The following LMO3 variants were observed in gnomAD, a reference collection of about 807,000 sequenced individuals.
LMO3 encodes LIM domain only 3.
Under a neutral mutation model 15.8 loss-of-function variants are expected in LMO3, and 2 were observed. The observed-to-expected ratio is 0.13, with a 90% confidence interval of 0.05 to 0.40. The LOEUF is 0.40. LMO3 is among the 10% of genes least tolerant of loss of function. The probability of loss-of-function intolerance (pLI) is 0.99; values close to 1 mark genes in which losing one functional copy is unlikely to be tolerated. For missense variants in LMO3, 86 were observed against 182.2 expected (o/e 0.47, Z 3.04); for synonymous variants, 62 against 63.8 (o/e 0.97, Z 0.13).
chr12:16,594,279 C>T (rs902620158), intron 2 of LMO3: 6 of 1,518,972 alleles, frequency 4.0e-6, no homozygotes, highest in Non-Finnish European at 5.3e-6. Flanking sequence ...AGAGGAAGTG[C>T]CATGTGTCAG....
chr12:16,568,288 T>C (rs1213161308), intron 2 of LMO3, among the ~76,000 whole-genome samples: 1 of 152,182 alleles, frequency 6.6e-6, no homozygotes, highest in African/African-American at 2.4e-5. Context: ...CCATTCCAGT[T>C]TGAAGGTTGT....
chr12:16,556,258 C>T (rs1163427994), intron 3 of LMO3, among the ~76,000 whole-genome samples: 1 of 151,904 alleles, frequency 6.6e-6, no homozygotes, highest in African/African-American at 2.4e-5. Flanking sequence ...AGAAATTAAC[C>T]TGTTATATAG....
At chr12:16,608,707 AGAGAGAGAGAGAAGGAGAGACAGAG>A (rs1317586585), upstream of LMO3, 1 of 151,940 alleles carries the variant, frequency 6.6e-6, no homozygotes, top group Non-Finnish European at 1.5e-5. The surrounding 1 kb of genome is among the most constrained non-coding windows in gnomAD (Gnocchi z 4.1). Context: ...CAAGGAGGAG[AGAGAGAGAGAGAAGGAGAGACAGAG>A]GAGAGAGAGA....
At chr12:16,579,412 G>A (rs955162633) in intron 2 of LMO3, among the ~76,000 whole-genome samples, 1 of 152,120 alleles carries the variant, frequency 6.6e-6, no homozygotes, top group African/African-American at 2.4e-5. Flanking sequence ...TTTTTTGGTA[G>A]GATTTACATA....
At chr12:16,553,475 G>A (rs1942070727) in intron 3 of LMO3, among the ~76,000 whole-genome samples, 1 of 152,190 alleles carries the variant, frequency 6.6e-6, no homozygotes, top group African/African-American at 2.4e-5. Context: ...AACAGAGGCA[G>A]AGCGAGAGAG....
At chr12:16,609,455 T>C (rs1944086302), upstream of LMO3, among the ~76,000 whole-genome samples, 1 of 152,310 alleles carries the variant, frequency 6.6e-6, no homozygotes, top group Non-Finnish European at 1.5e-5. Context: ...TACAGATCCT[T>C]TGGAAATCTT....
At chr12:16,558,164 T>C (rs1022952217) in intron 3 of LMO3, among the ~76,000 whole-genome samples, 5 of 152,054 alleles carry the variant, frequency 3.3e-5, no homozygotes, top group African/African-American at 1.2e-4. Flanking sequence ...GTAACTTTAA[T>C]TTGCTTAAAT....
chr12:16,588,665 C>T (rs1400486954), intron 2 of LMO3, among the ~76,000 whole-genome samples: 4 of 152,104 alleles, frequency 2.6e-5, no homozygotes, highest in African/African-American at 9.7e-5. Flanking sequence ...TTCCAATAAT[C>T]TCCAGTGTTG....
rs964664014 is a variant in LMO3, at chr12:16,582,107, A to G, written c.206+18548T>C. 2.0e-5 allele frequency among the ~76,000 whole-genome samples: 3 copies of G among 152,260 alleles called. No homozygotes were observed. The South Asian group carries it at 6.2e-4, about 32-fold the overall frequency. ...AATTACTTTAGTATTTAGCTGTTTT[A>G]TAAATTTGCAGTTAGGTTTCAGTAA... On this transcript the variant is annotated intron_variant, in intron 2 of 3. Coordinates refer to ENST00000537304, the MANE Select transcript of LMO3 (RefSeq NM_018640.5). The surrounding 1 kb of genome is among the most constrained non-coding windows in gnomAD (Gnocchi z 4.1).
In LMO3 at chr12:16,603,612, A is replaced by T. The variant is rs565262964; in HGVS notation, c.-9+2454T>A. Among the ~76,000 whole-genome samples the T allele has an allele frequency of 5.8e-4, 89 of 152,164 alleles. 1 individual carries two copies. The highest frequency in any genetic ancestry group is 1.8e-3 in the African/African-American group (73 of 41,510). On this transcript the variant is annotated intron_variant, in intron 1 of 3. Transcript: ENST00000537304. The surrounding 1 kb of genome is among the most constrained non-coding windows in gnomAD (Gnocchi z 4.9). ...TGACAGTTTAAGGGAAATCATAATT[A>T]AAAAAAAGACATAAATAATAGCCTG...
At chr12:16,605,957 CA>C (rs3832844) in intron 1 of LMO3, 108 bp downstream of exon 1, 1 of 807,762 alleles carries the variant, frequency 1.2e-6, no homozygotes, top group East Asian at 2.7e-5. Flanking sequence ...GCCTCATTAG[CA>C]GAGGTTGGGG....
chr12:16,561,836 G>A lies in LMO3; in HGVS notation c.207-1298C>T, dbSNP rs190943191. ...TATTTTTGTTGGATTGTCTCTTGAA[G>A]AGCATAAGCGCCTTGAAGGTAGAAA... On this transcript the variant is annotated intron_variant, in intron 2 of 3. Transcript: ENST00000537304. 5.1e-4 allele frequency among the ~76,000 whole-genome samples: 77 copies of A among 152,304 alleles called. No homozygotes were observed. The East Asian group carries it at 0.014, about 27-fold the overall frequency.
chr12:16,604,937 C>T lies in LMO3; in HGVS notation c.-9+1129G>A. Reference sequence around the variant, plus strand: ...GTTGCAGCAGCTTCGCATTGAGCACCAAACCCAAAGGTAGAAGTAGAAGGG... The same window carrying T: ...GTTGCAGCAGCTTCGCATTGAGCACTAAACCCAAAGGTAGAAGTAGAAGGG... On this transcript the variant is annotated intron_variant, in intron 1 of 3. Transcript: ENST00000537304. The surrounding 1 kb of genome is among the most constrained non-coding windows in gnomAD (Gnocchi z 5.3). The T allele has an allele frequency of 6.3e-7, 1 of 1,598,372 alleles. No individual in the cohort carries two copies. Among genetic ancestry groups the T allele is most frequent in the Non-Finnish European group, 8.5e-7 (1 of 1,179,774 alleles).
chr12:16,569,660 G>GAATC (rs1942742050), intron 2 of LMO3, among the ~76,000 whole-genome samples: 1 of 152,088 alleles, frequency 6.6e-6, no homozygotes, highest in Non-Finnish European at 1.5e-5. Flanking sequence ...ACATTTCATA[G>GAATC]AATCACAAAA....
chr12:16,605,436 G>GGCCCC lies in LMO3; in HGVS notation c.-9+629_-9+630insGGGGC, dbSNP rs1943957949. ...TAGCCACTTCTGCCCCTACCCGCCT[G>GGCCCC]CCCCCCCCCCCCGCCCCCATGCCCA... On this transcript the variant is annotated intron_variant, in intron 1 of 3. Coordinates refer to ENST00000537304, the MANE Select transcript of LMO3 (RefSeq NM_018640.5). 3.1e-4 allele frequency: 116 copies of GGCCCC among 372,676 alleles called. 2 individuals are homozygous for GGCCCC. The highest frequency in any genetic ancestry group is 1.5e-3 in the South Asian group (12 of 8,112). The allele number at this position is 372,676 out of a possible 1,614,324, so 23.1% of individuals were successfully genotyped here. A position where few individuals can be genotyped will look rare whatever the true frequency, so the allele number is the denominator to read the frequency against.
At position 16,551,063 on chromosome 12, in the gene LMO3, T is replaced by C. The variant is rs1035006680; in HGVS notation, c.*159A>G. 1.3e-5 allele frequency: 7 copies of C among 548,494 alleles called. No individual in the cohort carries two copies. The highest frequency in any genetic ancestry group is 5.6e-5 in the African/African-American group (3 of 53,590). The allele number at this position is 548,494 out of a possible 1,614,324, so 34.0% of individuals were successfully genotyped here. ...CAACTCTGAACTGGGGCAATTTCACTACATACAGATGCAGTCCGCCTTTTA... is the reference window on the plus strand; with the variant it reads ...CAACTCTGAACTGGGGCAATTTCACCACATACAGATGCAGTCCGCCTTTTA... On this transcript the variant is annotated 3_prime_UTR_variant, in exon 4 of 4. Coordinates refer to ENST00000537304, the MANE Select transcript of LMO3 (RefSeq NM_018640.5).
intron 2 of LMO3, among the ~76,000 whole-genome samples, chr12:16,592,235 T>C (rs1194169581): frequency 6.6e-6 from 1 of 152,032 alleles, no homozygotes; most frequent in East Asian, 1.9e-4. Context: ...TTTAAAGAGA[T>C]AGCAAAGCAA....
rs565883590 is a variant in LMO3, at chr12:16,589,871, T to C, written c.206+10784A>G. ...AAAGCCCCCAAGATGCAGACCACAG[T>C]AGGAATTAAGCCTCGTAAAGCTCTC... On this transcript the variant is annotated intron_variant, in intron 2 of 3. Coordinates refer to ENST00000537304, the MANE Select transcript of LMO3 (RefSeq NM_018640.5). This position sits in a 1 kb window ranked among gnomAD's most constrained non-coding sequence, Gnocchi z 4.2. 7.2e-5 allele frequency among the ~76,000 whole-genome samples: 11 copies of C among 152,170 alleles called. No homozygotes were observed. Among genetic ancestry groups the C allele is most frequent in the African/African-American group, 2.6e-4 (11 of 41,534 alleles).
rs1941978008 is a variant in LMO3, at chr12:16,551,205, G to A, written c.*17C>T. 2.1e-6 allele frequency: 3 copies of A among 1,434,938 alleles called. No homozygotes were observed. Among genetic ancestry groups the A allele is most frequent in the East Asian group, 4.5e-5 (2 of 43,996 alleles). The allele number at this position is 1,434,938 out of a possible 1,614,324, so 88.9% of individuals were successfully genotyped here. A position where few individuals can be genotyped will look rare whatever the true frequency, so the allele number is the denominator to read the frequency against. ...GAATGTAGTGCTTTGTATTCTTAAT[G>A]GGGTGATGTTGATAGATCAGCGAAC... is the stretch of plus-strand genomic sequence containing the variant. On this transcript the variant is annotated 3_prime_UTR_variant, in exon 4 of 4. Coordinates refer to ENST00000537304, the MANE Select transcript of LMO3 (RefSeq NM_018640.5).
Sources: allele counts gnomAD v4.1 joint callset (sites outside exome capture counted in the v4.1 genomes callset), GRCh38; gene constraint gnomAD v4.1.1; non-coding constraint Gnocchi (gnomAD v3.1); transcripts MANE v1.5; gene names NCBI Gene and HGNC (gene_info 2026-07-23, HGNC 2026-07-21).